Variants in CMTM7 observed in about 807,000 individuals in gnomAD.
CMTM7 encodes CKLF like MARVEL transmembrane domain containing 7.
CMTM7 carries 7 observed loss-of-function variants against 19.3 expected under a neutral mutation model. The observed-to-expected ratio is 0.36, with a 90% confidence interval of 0.21 to 0.68. CMTM7 has a LOEUF of 0.68. Ranked by LOEUF, CMTM7 falls within the 30% of genes least tolerant of loss-of-function variation. The probability of loss-of-function intolerance (pLI) is 0.60; values close to 1 mark genes in which losing one functional copy is unlikely to be tolerated. For synonymous variants in CMTM7, 87 were observed against 99.3 expected (o/e 0.88, Z 0.74); for missense variants, 193 against 232.6 (o/e 0.83, Z 1.11).
chr3:32,454,501 A>G lies in CMTM7; in HGVS notation c.*247A>G, dbSNP rs1696881552. The G allele has an allele frequency of 1.4e-6, 1 of 693,370 alleles. No individual in the cohort carries two copies. The highest frequency in any genetic ancestry group is 2.7e-5 in the East Asian group (1 of 36,532). 43.0% of individuals were successfully genotyped at this position (693,370 alleles called of 1,614,324 possible). A position where few individuals can be genotyped will look rare whatever the true frequency, so the allele number is the denominator to read the frequency against. On this transcript the variant is annotated 3_prime_UTR_variant, in exon 5 of 5. Coordinates refer to ENST00000334983, the MANE Select transcript of CMTM7 (RefSeq NM_138410.4). ...ATTCTGGGAAAGGAAAGCAGCCTCC[A>G]GGGAAATGTTTTCTGCCTTCCTGCT...
At chr3:32,417,229 A>G (rs75400145) in intron 1 of CMTM7, among the ~76,000 whole-genome samples, 15 of 152,274 alleles carry the variant, frequency 9.9e-5, no homozygotes, top group East Asian at 3.9e-4. Context: ...TTCATAGTCA[A>G]TCCTTTCCCC....
intron 1 of CMTM7, among the ~76,000 whole-genome samples, chr3:32,435,507 A>G (rs1331462477): frequency 6.6e-6 from 1 of 152,234 alleles, no homozygotes; most frequent in African/African-American, 2.4e-5. Flanking sequence ...CTGAATGCCC[A>G]CCAATAAAAG....
intron 1 of CMTM7, among the ~76,000 whole-genome samples, chr3:32,431,869 C>T (rs188253854): frequency 2.6e-5 from 4 of 152,356 alleles, no homozygotes; most frequent in East Asian, 3.9e-4. Flanking sequence ...CAGTGGCTCA[C>T]GCCTGTAATC....
intron 1 of CMTM7, among the ~76,000 whole-genome samples, chr3:32,426,817 A>G (rs965951008): frequency 6.6e-6 from 1 of 151,960 alleles, no homozygotes; most frequent in Non-Finnish European, 1.5e-5. Flanking sequence ...AAGGATATGC[A>G]TTTTTTTTAG....
chr3:32,418,112 G>A (rs898083443), intron 1 of CMTM7, among the ~76,000 whole-genome samples: 1 of 152,148 alleles, frequency 6.6e-6, no homozygotes, highest in Non-Finnish European at 1.5e-5. Flanking sequence ...GCGAGCCACC[G>A]CGCCTGTCCT....
intron 1 of CMTM7, among the ~76,000 whole-genome samples, chr3:32,398,542 G>T (rs1695953046): frequency 6.6e-6 from 1 of 152,088 alleles, no homozygotes; most frequent in Non-Finnish European, 1.5e-5. Context: ...TTATGAATAT[G>T]TAATTACAAA....
intron 1 of CMTM7, among the ~76,000 whole-genome samples, chr3:32,398,901 C>A (rs999120806): frequency 2.0e-5 from 3 of 152,098 alleles, no homozygotes; most frequent in Non-Finnish European, 4.4e-5. Flanking sequence ...GGGAGGATCT[C>A]TTGGAGGTCT....
chr3:32,418,594 C>T (rs146902309), intron 1 of CMTM7, among the ~76,000 whole-genome samples: 1 of 152,266 alleles, frequency 6.6e-6, no homozygotes, highest in Non-Finnish European at 1.5e-5. Context: ...TAAGTATGGG[C>T]CAGGGGTCGT....
At chr3:32,446,060 A>G (rs1306893699) in intron 2 of CMTM7, among the ~76,000 whole-genome samples, 4 of 152,032 alleles carry the variant, frequency 2.6e-5, no homozygotes, top group Admixed American at 6.6e-5. Flanking sequence ...CTCCTTTTTT[A>G]TCTTTTGAAA....
chr3:32,445,552 A>G (rs1696741653), intron 2 of CMTM7, among the ~76,000 whole-genome samples: 1 of 152,002 alleles, frequency 6.6e-6, no homozygotes, highest in African/African-American at 2.4e-5. Flanking sequence ...TTGGTCTATC[A>G]TCCAGGCTGG....
At chr3:32,414,275 C>T (rs617119) in intron 1 of CMTM7, among the ~76,000 whole-genome samples, 75,140 of 151,770 alleles carry the variant, frequency 0.5, 18,892 homozygotes, top group South Asian at 0.58. Flanking sequence ...TTTTCATTCT[C>T]CACGTTCCAC....
chr3:32,402,335 C>T (rs347132), intron 1 of CMTM7, among the ~76,000 whole-genome samples: 43,882 of 151,960 alleles, frequency 0.29, 7,765 homozygotes, highest in South Asian at 0.41. Context: ...TGATCTCGAA[C>T]TCCTGACCTC....
intron 1 of CMTM7, among the ~76,000 whole-genome samples, chr3:32,433,138 G>A (rs1459146282): frequency 6.6e-6 from 1 of 152,200 alleles, no homozygotes; most frequent in Admixed American, 6.5e-5. Context: ...CAAAATTTGT[G>A]ATTTCAGTTC....
At position 32,420,613 on chromosome 3, in the gene CMTM7, G is replaced by T. The variant is rs1161967520; in HGVS notation, c.160-21227G>T. 4.6e-5 allele frequency among the ~76,000 whole-genome samples: 7 copies of T among 152,326 alleles called. No individual in the cohort carries two copies. The East Asian group carries it at 1.2e-3, about 25-fold the overall frequency. ...ATCATGCCTTTGAACTGGGGACACG[G>T]TTGAAAAGGCTGGAGGAGGAAGAAA... On this transcript the variant is annotated intron_variant, in intron 1 of 4. Transcript: ENST00000334983.
At chr3:32,427,471 G>T (rs889003069) in intron 1 of CMTM7, among the ~76,000 whole-genome samples, 1 of 152,138 alleles carries the variant, frequency 6.6e-6, no homozygotes, top group Non-Finnish European at 1.5e-5. Flanking sequence ...GACCAGGAGG[G>T]CAAGAGAGTG....
intron 1 of CMTM7, among the ~76,000 whole-genome samples, chr3:32,414,551 A>G (rs1193966176): frequency 2.0e-5 from 3 of 152,302 alleles, no homozygotes; most frequent in South Asian, 4.1e-4. Context: ...AGGTGAAGAA[A>G]CTTTACCATT....
rs996443476 is a variant in CMTM7, at chr3:32,449,825, G to A, written c.432+273G>A. 1.3e-5 allele frequency among the ~76,000 whole-genome samples: 2 copies of A among 152,118 alleles called. No individual in the cohort carries two copies. Among genetic ancestry groups the A allele is most frequent in the South Asian group, 2.1e-4 (1 of 4,824 alleles). The stretch of plus-strand genomic sequence containing the variant: ...ACTACTGAAATCAGGGGGCCAGGCG[G>A]GTTTTAATTCACACACCCACTCTGA... On this transcript the variant is annotated intron_variant, in intron 3 of 4. Transcript: ENST00000334983. The surrounding 1 kb of genome is among the most constrained non-coding windows in gnomAD (Gnocchi z 4.5).
intron 1 of CMTM7, among the ~76,000 whole-genome samples, chr3:32,432,822 C>T (rs773746040): frequency 3.9e-5 from 6 of 152,158 alleles, no homozygotes; most frequent in Non-Finnish European, 8.8e-5. Context: ...ATAGCAGATA[C>T]CCTTCTCTTT....
intron 1 of CMTM7, among the ~76,000 whole-genome samples, chr3:32,416,361 A>ATTTTTCTTTCTTTTTTT (rs780778458): frequency 1.4e-5 from 1 of 72,442 alleles, no homozygotes; most frequent in African/African-American, 5.9e-5. Flanking sequence ...ATCCGGGCTA[A>ATTTTTCTTTCTTTTTTT]TTTTTTTTTT....
Sources: gnomAD v4.1 joint callset for allele counts (sites outside exome capture counted in the v4.1 genomes callset) on GRCh38, gnomAD v4.1.1 for gene constraint, Gnocchi (gnomAD v3.1) non-coding constraint, MANE v1.5 for transcripts, NCBI Gene and HGNC (gene_info 2026-07-23, HGNC 2026-07-21) for gene names.